The following CDIN1 variants were observed in gnomAD, a reference collection of about 807,000 sequenced individuals.
CDIN1 encodes the protein CDAN1 interacting nuclease 1, also known as CDAN1-interacting nuclease 1.
A neutral mutation model predicts 45.3 loss-of-function variants in CDIN1; 33 were observed. The ratio of observed to expected loss-of-function variants is 0.73; its 90% confidence interval spans 0.55 to 0.97. CDIN1 has a LOEUF of 0.97. Ranked by LOEUF, CDIN1 falls within the 50% of genes least tolerant of loss-of-function variation. The probability of loss-of-function intolerance (pLI) is 0.00; values close to 1 mark genes in which losing one functional copy is unlikely to be tolerated. For synonymous variants in CDIN1, 118 were observed against 124.4 expected, an observed-to-expected ratio of 0.95 and a Z score of 0.34; for missense variants, 303 against 339.4, an observed-to-expected ratio of 0.89 and a Z score of 0.84.
chr15:36,697,283 T>C, intron 7 of CDIN1, 40 bp from the exon 8 acceptor site: 3 of 1,574,662 alleles, frequency 1.9e-6, no homozygotes, highest in Non-Finnish European at 2.6e-6. Context: ...CCTGCTGGTA[T>C]AATTCTGCCT....
chr15:36,702,023 G>A (rs991629604), intron 8 of CDIN1: 3 of 701,772 alleles, frequency 4.3e-6, no homozygotes, highest in African/African-American at 3.5e-5. Context: ...TCAGGTGAAG[G>A]ACAGGCAGCA....
chr15:36,732,791 C>T (rs2043879146), intron 10 of CDIN1, among the ~76,000 whole-genome samples: 1 of 151,860 alleles, frequency 6.6e-6, no homozygotes, highest in African/African-American at 2.4e-5. Flanking sequence ...TTATAACATC[C>T]TATATTTTCT....
chr15:36,636,471 G>A (rs2039902276), intron 1 of CDIN1, among the ~76,000 whole-genome samples: 1 of 152,160 alleles, frequency 6.6e-6, no homozygotes. Context: ...AGAATGTCAT[G>A]AACCTGGGAG....
intron 10 of CDIN1, among the ~76,000 whole-genome samples, chr15:36,764,214 G>GTTTTTTTTT (rs11297312): frequency 8.6e-6 from 1 of 116,292 alleles, no homozygotes; most frequent in African/African-American, 3.0e-5. Context: ...TGTGGTTTTG[G>GTTTTTTTTT]TTTTTTTTTT....
intron 1 of CDIN1, among the ~76,000 whole-genome samples, chr15:36,616,530 C>G (rs751153126): frequency 2.6e-5 from 4 of 152,056 alleles, no homozygotes; most frequent in Non-Finnish European, 4.4e-5. Context: ...GATCCACCCG[C>G]CTTGGCTTCC....
intron 1 of CDIN1, among the ~76,000 whole-genome samples, chr15:36,605,148 A>G (rs1490489776): frequency 3.3e-5 from 5 of 152,110 alleles, no homozygotes; most frequent in East Asian, 1.9e-4. Context: ...TTAAATATCT[A>G]TATTATTATT....
chr15:36,694,098 T>A (rs60712728), intron 7 of CDIN1, among the ~76,000 whole-genome samples: 12,325 of 152,270 alleles, frequency 0.081, 639 homozygotes, highest in Non-Finnish European at 0.12. Flanking sequence ...TATGTTTATA[T>A]CAAGCAAAGC....
chr15:36,648,060 C>T (rs8039413), intron 3 of CDIN1, among the ~76,000 whole-genome samples: 151,299 of 152,210 alleles, frequency 0.99, 75,203 homozygotes, highest in Non-Finnish European at 1. Context: ...AGGATGGTCT[C>T]GATCTCCTGA....
chr15:36,774,808 G>A (rs552827105), intron 10 of CDIN1, among the ~76,000 whole-genome samples: 6 of 152,096 alleles, frequency 3.9e-5, no homozygotes, highest in South Asian at 2.1e-4. Flanking sequence ...TAAATCTGTC[G>A]CATTATTAAA....
intron 2 of CDIN1, 43 bp downstream of exon 2, chr15:36,644,366 T>G (rs1431252084): frequency 3.2e-6 from 5 of 1,554,134 alleles, no homozygotes; most frequent in Non-Finnish European, 4.4e-6. Context: ...GGTGCCTAAT[T>G]GAATGATGAA....
intron 1 of CDIN1, among the ~76,000 whole-genome samples, chr15:36,621,178 G>A (rs189477777): frequency 1.6e-4 from 24 of 152,258 alleles, no homozygotes; most frequent in Admixed American, 1.2e-3. Flanking sequence ...TAGATTATGT[G>A]TGTACAATTA....
intron 10 of CDIN1, among the ~76,000 whole-genome samples, chr15:36,721,723 A>G (rs954290219): frequency 6.6e-6 from 1 of 151,904 alleles, no homozygotes; most frequent in Non-Finnish European, 1.5e-5. Context: ...TGCACTTATC[A>G]GAACTCTTCT....
chr15:36,801,914 T>C (rs547806683), intron 10 of CDIN1, among the ~76,000 whole-genome samples: 89 of 152,210 alleles, frequency 5.8e-4, no homozygotes, highest in Non-Finnish European at 5.4e-4. Flanking sequence ...CGTGAAACTA[T>C]TGACATCAAA....
intron 7 of CDIN1, chr15:36,696,331 A>C (rs1171349548): frequency 6.6e-6 from 1 of 152,252 alleles, no homozygotes; most frequent in Non-Finnish European, 1.5e-5. Flanking sequence ...TCTTTCCTGC[A>C]GATTACATAT....
chr15:36,623,088 T>C (rs1411901414), intron 1 of CDIN1, among the ~76,000 whole-genome samples: 3 of 152,186 alleles, frequency 2.0e-5, no homozygotes, highest in Non-Finnish European at 4.4e-5. Flanking sequence ...TTGCAGCTTT[T>C]GGGGGCTTTC....
At chr15:36,702,555 G>T (rs546604413) in intron 8 of CDIN1, among the ~76,000 whole-genome samples, 2 of 151,960 alleles carry the variant, frequency 1.3e-5, no homozygotes. Context: ...TCATGTCCAC[G>T]GGTCATCTGC....
intron 10 of CDIN1, among the ~76,000 whole-genome samples, chr15:36,745,988 T>C (rs918153792): frequency 6.6e-6 from 1 of 152,136 alleles, no homozygotes; most frequent in Admixed American, 6.6e-5. Context: ...ATACTACTTA[T>C]GAAAAATTGT....
At chr15:36,612,925 CAGTT>C (rs1481027960) in intron 1 of CDIN1, among the ~76,000 whole-genome samples, 2 of 152,108 alleles carry the variant, frequency 1.3e-5, no homozygotes, top group East Asian at 1.9e-4. Flanking sequence ...AAAAAGGTAA[CAGTT>C]GGTTGCTTGA....
chr15:36,696,754 CCTT>C (rs1056254532), intron 7 of CDIN1, among the ~76,000 whole-genome samples: 9 of 152,086 alleles, frequency 5.9e-5, no homozygotes, highest in Admixed American at 3.9e-4. Flanking sequence ...AAATGACTCT[CCTT>C]CTTTTCAAAA....
Sources: gnomAD v4.1 joint callset for allele counts (sites outside exome capture counted in the v4.1 genomes callset) on GRCh38, gnomAD v4.1.1 for gene constraint, MANE v1.5 for transcripts, NCBI Gene and HGNC (gene_info 2026-07-23, HGNC 2026-07-21) for gene names.